Variants in CGNL1 observed in about 807,000 individuals in gnomAD.
CGNL1 encodes cingulin-like protein 1.
CGNL1 carries 132 observed loss-of-function variants against 141.2 expected under a neutral mutation model. The ratio of observed to expected loss-of-function variants is 0.93; its 90% CI spans 0.81 to 1.08. The LOEUF (loss-of-function observed/expected upper bound fraction) is 1.08, where lower values mean the gene tolerates loss of function less well. Among genes scored for constraint, CGNL1 ranks in the 50% least tolerant of loss-of-function variants. The pLI, the probability that CGNL1 is intolerant of heterozygous loss-of-function variation, is 0.00. For synonymous variants in CGNL1, 690 were observed against 622.1 expected, an observed-to-expected ratio of 1.11 and a Z score of -1.63; for missense variants, 1,870 against 1,588.6, an observed-to-expected ratio of 1.18 and a Z score of -3.01.
At chr15:57,409,107 G>A (rs1377262916) in intron 1 of CGNL1, among the ~76,000 whole-genome samples, 1 of 150,682 alleles carries the variant, frequency 6.6e-6, no homozygotes, top group Non-Finnish European at 1.5e-5. Flanking sequence ...AGGCATGTGT[G>A]CATTAATTGA....
chr15:57,476,391 A>T (rs1354941119), intron 8 of CGNL1, among the ~76,000 whole-genome samples: 2 of 152,178 alleles, frequency 1.3e-5, no homozygotes, highest in African/African-American at 4.8e-5. Context: ...CATTTTCCTT[A>T]TTCATTTTTA....
chr15:57,548,403 C>T lies in CGNL1; in HGVS notation c.*913C>T, dbSNP rs2032976993. On this transcript the variant is annotated 3_prime_UTR_variant, in exon 19 of 19. Transcript: ENST00000281282. ...GAGAAAGTCAAATAAAGTCAAAGAC[C>T]AGTTTGGAAACCAAAGTTGGAAAAG... is the stretch of plus-strand genomic sequence containing the variant. 1 of 152,078 alleles carries T rather than the reference C, an allele frequency of 6.6e-6. No homozygotes were observed. Among genetic ancestry groups the T allele is most frequent in the South Asian group, 2.1e-4 (1 of 4,812 alleles). The allele number at this position is 152,078 out of a possible 1,614,324, so 9.4% of individuals were successfully genotyped here.
chr15:57,461,666 T>A lies in CGNL1; in HGVS notation c.2191-14T>A, dbSNP rs368561018. On this transcript the variant is annotated splice_polypyrimidine_tract_variant and intron_variant, in intron 7 of 18. Coordinates refer to ENST00000281282, the MANE Select transcript of CGNL1 (RefSeq NM_032866.5). ...TTCATTGTCACCTTCTCCCTTCGTG[T>A]TTCCTCTCTCTAGGAGCTCTTACAG... The A allele has an allele frequency of 6.2e-7, 1 of 1,611,384 alleles. No homozygotes were observed. The highest frequency in any genetic ancestry group is 1.7e-5 in the Admixed American group (1 of 60,010).
At chr15:57,472,754 C>G (rs1395000560) in intron 8 of CGNL1, among the ~76,000 whole-genome samples, 12 of 152,150 alleles carry the variant, frequency 7.9e-5, no homozygotes. Context: ...GAATTTATAA[C>G]ATGTGTCTTT....
chr15:57,432,225 C>T (rs75322394), intron 1 of CGNL1, among the ~76,000 whole-genome samples: 2,445 of 152,256 alleles, frequency 0.016, 59 homozygotes, highest in African/African-American at 0.057. Flanking sequence ...GCATTTCCTC[C>T]GTAGCCACAG....
chr15:57,384,923 G>A (rs755942855), intron 1 of CGNL1, among the ~76,000 whole-genome samples: 21 of 152,182 alleles, frequency 1.4e-4, no homozygotes, highest in Non-Finnish European at 2.2e-4. Context: ...TGTGGGGAGT[G>A]TTTTGCAAAA....
chr15:57,509,681 C>G (rs191856821), intron 8 of CGNL1, among the ~76,000 whole-genome samples: 1 of 152,292 alleles, frequency 6.6e-6, no homozygotes, highest in South Asian at 2.1e-4. Flanking sequence ...AGCCTGCAGG[C>G]AGGTGATTAT....
At chr15:57,417,788 T>C (rs1243373418) in intron 1 of CGNL1, among the ~76,000 whole-genome samples, 12 of 152,032 alleles carry the variant, frequency 7.9e-5, no homozygotes, top group African/African-American at 2.9e-4. Flanking sequence ...TGGAGACAAA[T>C]ATTAATTAAA....
At chr15:57,499,238 C>CTTTTTTTTTTT (rs201081475) in intron 8 of CGNL1, among the ~76,000 whole-genome samples, 1 of 91,846 alleles carries the variant, frequency 1.1e-5, no homozygotes, top group African/African-American at 5.0e-5. Flanking sequence ...AAGTTAATGG[C>CTTTTTTTTTTT]TTTTTTTTTT....
At position 57,550,528 on chromosome 15, in the gene CGNL1, G is replaced by GT. The variant is rs1269110610; in HGVS notation, c.*3043dup. Reference sequence around the variant, plus strand: ...AGACAATCATCCTGTATCTTTTATGGTTTTTCCTGCTTCTGAGTGTCGTTC... The same window carrying GT: ...AGACAATCATCCTGTATCTTTTATGGTTTTTTCCTGCTTCTGAGTGTCGTTC... On this transcript the variant is annotated 3_prime_UTR_variant, in exon 19 of 19. Transcript: ENST00000281282. 1 of 152,610 alleles carries GT rather than the reference G, an allele frequency of 6.6e-6. No homozygotes were observed. The highest frequency in any genetic ancestry group is 1.5e-5 in the Non-Finnish European group (1 of 68,040). 9.5% of individuals were successfully genotyped at this position (152,610 alleles called of 1,614,324 possible). A position where few individuals can be genotyped will look rare whatever the true frequency, so the allele number is the denominator to read the frequency against.
intron 1 of CGNL1, among the ~76,000 whole-genome samples, chr15:57,382,141 CA>C (rs1409182317): frequency 6.6e-6 from 1 of 152,136 alleles, no homozygotes; most frequent in African/African-American, 2.4e-5. Flanking sequence ...GCGACAAAAA[CA>C]AAACTTTGCT....
At chr15:57,419,202 G>A (rs1355085746) in intron 1 of CGNL1, among the ~76,000 whole-genome samples, 3 of 152,098 alleles carry the variant, frequency 2.0e-5, no homozygotes, top group Non-Finnish European at 4.4e-5. Context: ...AGTGCTGACA[G>A]TAAGGCGTGA....
chr15:57,378,463 C>T (rs1430744569), intron 1 of CGNL1, among the ~76,000 whole-genome samples: 1 of 147,186 alleles, frequency 6.8e-6, no homozygotes, highest in Non-Finnish European at 1.5e-5. Flanking sequence ...CTTACGGCAG[C>T]CTCGGCCTCC....
intron 8 of CGNL1, among the ~76,000 whole-genome samples, chr15:57,492,648 C>T (rs777772257): frequency 6.8e-6 from 1 of 147,668 alleles, no homozygotes; most frequent in Non-Finnish European, 1.5e-5. Context: ...AGACTTCTGG[C>T]AAAGTGAAAA....
At position 57,548,242 on chromosome 15, in the gene CGNL1, C is replaced by G. The variant is rs1297163682; in HGVS notation, c.*752C>G. 1.3e-5 allele frequency: 2 copies of G among 152,106 alleles called. No homozygotes were observed. The highest frequency in any genetic ancestry group is 2.9e-5 in the Non-Finnish European group (2 of 68,066). The allele number at this position is 152,106 out of a possible 1,614,324, so 9.4% of individuals were successfully genotyped here. ...TCTTGAACTCCTGACCTCAGGTGAT[C>G]CACCTGCCTCAGCCTCCCAAAGTGC... On this transcript the variant is annotated 3_prime_UTR_variant, in exon 19 of 19. Transcript: ENST00000281282.
At position 57,446,403 on chromosome 15, in the gene CGNL1, G is replaced by A. The variant is rs551528320; in HGVS notation, c.1803+3925G>A. On this transcript the variant is annotated intron_variant, in intron 4 of 18. Coordinates refer to ENST00000281282, the MANE Select transcript of CGNL1 (RefSeq NM_032866.5). ...CCTTCCTTCTGGGGGTGATCATATC[G>A]TGACTTCTATCACCTAGAGTAGTTT... 1.1e-4 allele frequency among the ~76,000 whole-genome samples: 17 copies of A among 152,116 alleles called. 1 individual carries two copies. The highest frequency in any genetic ancestry group is 1.0e-3 in the South Asian group (5 of 4,818).
chr15:57,498,236 G>C (rs1198571054), intron 8 of CGNL1, among the ~76,000 whole-genome samples: 1 of 134,878 alleles, frequency 7.4e-6, no homozygotes, highest in African/African-American at 2.6e-5. Context: ...TAGGTTGATT[G>C]GGGAAACAGT....
chr15:57,500,238 C>G (rs2064003586), intron 8 of CGNL1, among the ~76,000 whole-genome samples: 1 of 152,140 alleles, frequency 6.6e-6, no homozygotes, highest in Non-Finnish European at 1.5e-5. Context: ...TTTTCTGAGG[C>G]CAGATAAGCA....
rs962076347 is a variant in CGNL1, at chr15:57,544,729, A to G, written c.3500+132A>G. 2.7e-5 allele frequency: 29 copies of G among 1,067,358 alleles called. 3 individuals carry two copies. In the Admixed American group the frequency reaches 4.8e-4, roughly 18 times the overall value. 66.1% of individuals were successfully genotyped at this position (1,067,358 alleles called of 1,614,324 possible). A position where few individuals can be genotyped will look rare whatever the true frequency, so the allele number is the denominator to read the frequency against. On this transcript the variant is annotated intron_variant, in intron 16 of 18. Transcript: ENST00000281282. ...AGGAAGGCAGAGCAACTACACCCTT[A>G]CTTTTATTATTTCCATTTTATAGGT...
Sources: allele counts gnomAD v4.1 joint callset (sites outside exome capture counted in the v4.1 genomes callset), GRCh38; gene constraint gnomAD v4.1.1; transcripts MANE v1.5; gene names NCBI Gene and HGNC (gene_info 2026-07-23, HGNC 2026-07-21).